Variants in ZNF83 observed in about 807,000 individuals in gnomAD.
ZNF83 encodes zinc finger protein 83.
For missense variants in ZNF83, 552 were observed against 629.9 expected (o/e 0.88, Z 1.32); for synonymous variants, 209 against 213.0 (o/e 0.98, Z 0.17).
At chr19:52,623,764 T>C (rs1398389229) in intron 2 of ZNF83, among the ~76,000 whole-genome samples, 1 of 152,140 alleles carries the variant, frequency 6.6e-6, no homozygotes, top group East Asian at 1.9e-4. Flanking sequence ...AAGCCTGTTA[T>C]CACTCGCCTG....
intron 1 of ZNF83, chr19:52,636,902 C>G (rs2061166384): frequency 6.6e-6 from 1 of 150,628 alleles, no homozygotes; most frequent in Non-Finnish European, 1.5e-5. Context: ...AAGCAATCTT[C>G]TTGCCTCAGT....
chr19:52,681,303 C>CAAAAAAAAAAAAAAAAAAAAAA (rs1189423006), intron 1 of ZNF83, among the ~76,000 whole-genome samples: 15 of 78,290 alleles, frequency 1.9e-4, no homozygotes, highest in Non-Finnish European at 2.3e-4. Flanking sequence ...AAAAAAAAAG[C>CAAAAAAAAAAAAAAAAAAAAAA]AAACGAACAT....
chr19:52,631,964 C>A (rs562347341), intron 2 of ZNF83, among the ~76,000 whole-genome samples: 11 of 140,810 alleles, frequency 7.8e-5, no homozygotes, highest in African/African-American at 2.9e-4. Flanking sequence ...ACATCAAGCT[C>A]GAGGATTTGC....
chr19:52,657,809 T>G (rs188256100), intron 2 of ZNF83, among the ~76,000 whole-genome samples: 1 of 151,084 alleles, frequency 6.6e-6, no homozygotes, highest in Admixed American at 6.6e-5. Context: ...ATTGCATCAT[T>G]GCACTCCAGC....
chr19:52,637,886 G>C (rs1244214652), intron 1 of ZNF83, among the ~76,000 whole-genome samples: 1 of 152,146 alleles, frequency 6.6e-6, no homozygotes, highest in Non-Finnish European at 1.5e-5. Context: ...CTTAAGACAA[G>C]GTTGGGGTCT....
chr19:52,632,081 C>T (rs1283655184), intron 2 of ZNF83, among the ~76,000 whole-genome samples: 1 of 152,208 alleles, frequency 6.6e-6, no homozygotes, highest in Non-Finnish European at 1.5e-5. Flanking sequence ...AGAGGCCTTT[C>T]CTACAGGGTC....
Position 52,613,268 on chromosome 19 carries a change from C to G in ZNF83, c.1297G>C (p.Glu433Gln), listed in dbSNP as rs774764659. 1.9e-6 allele frequency: 3 copies of G among 1,613,918 alleles called. No homozygotes were observed. The African/African-American group carries it at 4.0e-5, about 22-fold the overall frequency. The change falls in exon 3 of 3, where the codon GAA becomes CAA. Residue 433 changes from glutamate (E) to glutamine (Q), a missense_variant. By Grantham distance (29) the Glu-to-Gln change is conservative (BLOSUM62 2). Coordinates refer to ENST00000301096, the Ensembl canonical transcript of ZNF83. ...TTTAGACCGAAGACCTTCCCACATTCATTACATTTATAAGCTTTTTCTCCA... is the reference window on the plus strand; with the variant it reads ...TTTAGACCGAAGACCTTCCCACATTGATTACATTTATAAGCTTTTTCTCCA...
In ZNF83 at chr19:52,614,319, T is replaced by G. The variant is rs2060230328; in HGVS notation, c.246A>C (p.Gln82His). Residue 82 changes from glutamine (Q) to histidine (H), a missense_variant, in exon 3 of 3, where the codon CAA (glutamine) becomes CAC (histidine). Physicochemically the swap from Gln to His is conservative, Grantham distance 24 (BLOSUM62 0). Coordinates refer to ENST00000301096, the Ensembl canonical transcript of ZNF83. ...CTGTCCCAATATTTGCTTTCTCTTT[T>G]TGTGTGAATAATGAATCCACAAAAT... 6.2e-7 allele frequency: 1 copy of G among 1,613,564 alleles called. No individual in the cohort carries two copies. Among genetic ancestry groups the G allele is most frequent in the Non-Finnish European group, 8.5e-7 (1 of 1,179,482 alleles).
At position 52,613,181 on chromosome 19, in the gene ZNF83, A is replaced by G. The variant is rs1490778866; in HGVS notation, c.1384T>C (p.Cys462Arg). 1.1e-5 allele frequency: 17 copies of G among 1,614,046 alleles called. No homozygotes were observed. The East Asian group carries it at 3.8e-4, about 36-fold the overall frequency. Residue 462 changes from cysteine (C) to arginine (R), a missense_variant, in exon 3 of 3, where the codon TGT becomes CGT. Transcript: ENST00000301096. ...GAACGCATACTAAAAGCTTTGCCACATTCATTACATTTGAAAGGTTTCTCT... is the reference window on the plus strand; with the variant it reads ...GAACGCATACTAAAAGCTTTGCCACGTTCATTACATTTGAAAGGTTTCTCT...
At chr19:52,667,009 A>G (rs933805822) in intron 1 of ZNF83, among the ~76,000 whole-genome samples, 1 of 152,224 alleles carries the variant, frequency 6.6e-6, no homozygotes, top group African/African-American at 2.4e-5. Flanking sequence ...GAAGGAGGCC[A>G]CCTATACCAC....
intron 3 of ZNF83, chr19:52,654,210 G>C: frequency 6.3e-7 from 1 of 1,591,194 alleles, no homozygotes; most frequent in Non-Finnish European, 8.6e-7. Flanking sequence ...TTTTTGTCAT[G>C]GGTGCTTCAT....
upstream of ZNF83, among the ~76,000 whole-genome samples, chr19:52,640,055 C>G (rs780636856): frequency 6.6e-6 from 1 of 152,178 alleles, no homozygotes; most frequent in African/African-American, 2.4e-5. Flanking sequence ...AGGTGACCAT[C>G]TGTGTCAGCT....
intron 2 of ZNF83, among the ~76,000 whole-genome samples, chr19:52,623,792 A>G (rs2060635030): frequency 6.6e-6 from 1 of 152,242 alleles, no homozygotes; most frequent in African/African-American, 2.4e-5. Context: ...ATGAGCTTCT[A>G]AAGTCTAAAA....
chr19:52,617,240 G>A (rs983719126), intron 2 of ZNF83: 1 of 152,234 alleles, frequency 6.6e-6, no homozygotes, highest in African/African-American at 2.4e-5. Context: ...GGGTTGTGTT[G>A]CTGACCATGT....
At chr19:52,670,148 T>C (rs915440540) in intron 1 of ZNF83, among the ~76,000 whole-genome samples, 1 of 151,208 alleles carries the variant, frequency 6.6e-6, no homozygotes, top group Non-Finnish European at 1.5e-5. Flanking sequence ...GATCACCTGC[T>C]CCACCCTGCC....
intron 3 of ZNF83, among the ~76,000 whole-genome samples, chr19:52,647,562 A>G (rs2061388312): frequency 6.6e-6 from 1 of 152,010 alleles, no homozygotes; most frequent in Non-Finnish European, 1.5e-5. Context: ...GATTACAGGC[A>G]TTAGTCACTG....
At chr19:52,663,186 G>A (rs1420715109) in intron 1 of ZNF83, among the ~76,000 whole-genome samples, 2 of 151,934 alleles carry the variant, frequency 1.3e-5, no homozygotes, top group Non-Finnish European at 2.9e-5. Context: ...AAAAATTCCA[G>A]GACCATCTGT....
chr19:52,631,936 C>T (rs927967091), intron 2 of ZNF83, among the ~76,000 whole-genome samples: 137 of 36,426 alleles, frequency 3.8e-3, no homozygotes, highest in African/African-American at 0.014. Flanking sequence ...ATTATTCAGG[C>T]CCCCCTCCCT....
chr19:52,689,976 G>GA (rs2062121387), intron 1 of ZNF83, among the ~76,000 whole-genome samples: 2 of 152,156 alleles, frequency 1.3e-5, no homozygotes, highest in Non-Finnish European at 2.9e-5. Flanking sequence ...GGAGGGAGGT[G>GA]GGGGGCGACG....
Sources: allele counts gnomAD v4.1 joint callset (sites outside exome capture counted in the v4.1 genomes callset), GRCh38; gene constraint gnomAD v4.1.1; transcripts MANE v1.5; gene names NCBI Gene and HGNC (gene_info 2026-07-23, HGNC 2026-07-21).